The following MEIS2 variants were observed in gnomAD, a reference collection of about 807,000 sequenced individuals.
MEIS2 encodes the protein homeobox protein Meis2.
MEIS2 carries 9 observed loss-of-function variants against 58.6 expected under a neutral mutation model. That is an observed-to-expected ratio of 0.15 (90% CI 0.09 to 0.27). MEIS2 has a LOEUF of 0.27. Ranked by LOEUF, MEIS2 falls within the 10% of genes least tolerant of loss-of-function variation. MEIS2 has a pLI of 1.00. For missense variants in MEIS2, 427 were observed against 635.0 expected (o/e 0.67, Z 3.52); for synonymous variants, 221 against 228.4 (o/e 0.97, Z 0.29).
chr15:37,007,211 G>A (rs925699118), intron 8 of MEIS2, among the ~76,000 whole-genome samples: 3 of 152,122 alleles, frequency 2.0e-5, no homozygotes, highest in Non-Finnish European at 2.9e-5. Context: ...ACTTTTGCTA[G>A]AGGCTTCTGG....
At chr15:36,899,596 C>A (rs192066577) in intron 9 of MEIS2, among the ~76,000 whole-genome samples, 5 of 152,072 alleles carry the variant, frequency 3.3e-5, no homozygotes, top group Admixed American at 2.0e-4. Flanking sequence ...TTTCAATGCT[C>A]AAGTAGTAAA....
At chr15:36,955,760 G>A (rs2058938567) in intron 8 of MEIS2, among the ~76,000 whole-genome samples, 1 of 151,992 alleles carries the variant, frequency 6.6e-6, no homozygotes, top group Admixed American at 6.6e-5. Context: ...TCTACCTGAA[G>A]CACTTCTGCA....
chr15:37,010,711 C>T (rs572013085), intron 8 of MEIS2, among the ~76,000 whole-genome samples: 1 of 152,330 alleles, frequency 6.6e-6, no homozygotes, highest in Admixed American at 6.5e-5. Flanking sequence ...CTCCAAAGCT[C>T]CTTAGCGTTA....
chr15:36,979,103 GACATGATGCT>G (rs2059849632), intron 8 of MEIS2, among the ~76,000 whole-genome samples: 1 of 152,110 alleles, frequency 6.6e-6, no homozygotes, highest in Admixed American at 6.5e-5. Context: ...TTTGAGCACT[GACATGATGCT>G]ACAAATGAAA....
intron 8 of MEIS2, among the ~76,000 whole-genome samples, chr15:36,956,315 T>G (rs547512618): frequency 5.9e-5 from 9 of 152,086 alleles, no homozygotes; most frequent in Admixed American, 2.0e-4. Flanking sequence ...TCATATAAAT[T>G]GGCTTTGGTA....
At chr15:36,943,842 C>G (rs912690757) in intron 9 of MEIS2, among the ~76,000 whole-genome samples, 1 of 152,034 alleles carries the variant, frequency 6.6e-6, no homozygotes, top group African/African-American at 2.4e-5. Context: ...TGAGTCCCCT[C>G]GCTGGCATTC....
chr15:37,083,464 A>T (rs1315062824), intron 7 of MEIS2, among the ~76,000 whole-genome samples: 1 of 152,228 alleles, frequency 6.6e-6, no homozygotes, highest in East Asian at 1.9e-4. Flanking sequence ...ACAGCAGTAA[A>T]GCAGGCCTGT....
intron 8 of MEIS2, among the ~76,000 whole-genome samples, chr15:37,024,405 G>T (rs964633882): frequency 3.9e-5 from 6 of 152,158 alleles, no homozygotes; most frequent in Non-Finnish European, 1.5e-5. Flanking sequence ...CAGTGCCATG[G>T]TTTCAAGTAT....
At chr15:36,983,780 A>T (rs1304393355) in intron 8 of MEIS2, among the ~76,000 whole-genome samples, 2 of 152,086 alleles carry the variant, frequency 1.3e-5, no homozygotes, top group African/African-American at 4.8e-5. Context: ...CCATGAACAC[A>T]GTATATCTTC....
At chr15:37,025,426 A>G (rs185818381) in intron 8 of MEIS2, among the ~76,000 whole-genome samples, 203 of 152,322 alleles carry the variant, frequency 1.3e-3, no homozygotes, top group African/African-American at 4.1e-3. Context: ...TGGTATATAT[A>G]TAACCTTATA....
chr15:36,892,280 C>T lies in MEIS2; in HGVS notation c.1327G>A (p.Gly443Arg), dbSNP rs778573000. Residue 443 changes from glycine to arginine, a missense_variant, in exon 12 of 12, where the codon GGA becomes AGA. This residue lies in a region of MEIS2 where 154 missense variants were observed against 148.1 expected (regional missense o/e 1.04). Coordinates refer to ENST00000561208, the MANE Select transcript of MEIS2 (RefSeq NM_170675.5). ...PHHPAMMMHG[G>R]PPTHPGMTMS... Reference sequence around the variant, plus strand: ...GTCATTCCAGGGTGGGTAGGGGGTCCTCCGTGCATCATCATGGCTGGGTGG... The same window carrying T: ...GTCATTCCAGGGTGGGTAGGGGGTCTTCCGTGCATCATCATGGCTGGGTGG... 1.2e-6 allele frequency: 2 copies of T among 1,613,812 alleles called. No individual in the cohort carries two copies. The highest frequency in any genetic ancestry group is 1.1e-5 in the South Asian group (1 of 91,034).
At chr15:36,943,309 G>A (rs568796710) in intron 9 of MEIS2, among the ~76,000 whole-genome samples, 5 of 152,200 alleles carry the variant, frequency 3.3e-5, no homozygotes, top group African/African-American at 7.2e-5. Flanking sequence ...AGCAAACTTT[G>A]TCTCCCATCC....
rs113916312 is a variant in MEIS2 at position 37,066,078 on chromosome 15, T to C, written c.754+17693A>G. On this transcript the variant is annotated intron_variant, in intron 7 of 11. Coordinates refer to ENST00000561208, the MANE Select transcript of MEIS2 (RefSeq NM_170675.5). ...GGAGAAGATAACTAACCCTTTAGAA[T>C]TGCCAATTTAATTTCTAATGGCTCT... 1.3e-4 allele frequency among the ~76,000 whole-genome samples: 20 copies of C among 152,304 alleles called. 1 individual carries two copies. Among genetic ancestry groups the C allele is most frequent in the African/African-American group, 4.1e-4 (17 of 41,560 alleles).
chr15:36,934,239 G>A (rs897061002), intron 9 of MEIS2, among the ~76,000 whole-genome samples: 1 of 151,684 alleles, frequency 6.6e-6, no homozygotes, highest in Non-Finnish European at 1.5e-5. Context: ...TATTGAAAAG[G>A]AGAGGAGAAC....
At chr15:37,059,971 C>T (rs1379136667) in intron 7 of MEIS2, among the ~76,000 whole-genome samples, 4 of 152,080 alleles carry the variant, frequency 2.6e-5, no homozygotes, top group Admixed American at 1.3e-4. Flanking sequence ...CACGCTGTCA[C>T]GCAGGCTGGA....
chr15:36,951,427 T>A (rs2058745688), intron 8 of MEIS2, among the ~76,000 whole-genome samples: 1 of 152,154 alleles, frequency 6.6e-6, no homozygotes, highest in Non-Finnish European at 1.5e-5. Context: ...ATCAACATTA[T>A]TAGAGGGTGA....
chr15:36,920,355 C>T (rs766124883), intron 9 of MEIS2, among the ~76,000 whole-genome samples: 1 of 152,146 alleles, frequency 6.6e-6, no homozygotes, highest in Non-Finnish European at 1.5e-5. Flanking sequence ...CCACATTGGT[C>T]AGGTTGGTCT....
At chr15:36,962,811 C>T (rs2059230843) in intron 8 of MEIS2, among the ~76,000 whole-genome samples, 1 of 152,188 alleles carries the variant, frequency 6.6e-6, no homozygotes, top group Non-Finnish European at 1.5e-5. Context: ...GTTAGCAAAA[C>T]ACTTAAGGAT....
chr15:36,907,471 G>T (rs2056797126), intron 9 of MEIS2, among the ~76,000 whole-genome samples: 1 of 152,108 alleles, frequency 6.6e-6, no homozygotes, highest in Non-Finnish European at 1.5e-5. Flanking sequence ...ATTTGTCTGG[G>T]GATCTCTTTT....
Sources: allele counts gnomAD v4.1 joint callset (sites outside exome capture counted in the v4.1 genomes callset), GRCh38; gene constraint gnomAD v4.1.1; regional missense constraint gnomAD v4.1.1; transcripts MANE v1.5; gene names NCBI Gene and HGNC (gene_info 2026-07-23, HGNC 2026-07-21).